PTPRH: variants seen among roughly 807,000 people sequenced by gnomAD.
PTPRH encodes the protein protein tyrosine phosphatase receptor type H.
A neutral mutation model predicts 130.2 loss-of-function variants in PTPRH; 113 were observed. The ratio of observed to expected loss-of-function variants is 0.87; its 90% CI spans 0.75 to 1.01. The LOEUF is 1.01. PTPRH is among the 50% of genes least tolerant of loss of function. The probability of loss-of-function intolerance (pLI) is 0.00; values close to 1 mark genes in which losing one functional copy is unlikely to be tolerated. For synonymous variants in PTPRH, 556 were observed against 577.9 expected, an observed-to-expected ratio of 0.96 and a Z score of 0.54; for missense variants, 1,430 against 1,425.0, an observed-to-expected ratio of 1.00 and a Z score of -0.06.
chr19:55,207,299 T>C, intron 1 of PTPRH, 100 bp from the exon 2 acceptor site: 1 of 1,326,770 alleles, frequency 7.5e-7, no homozygotes, highest in South Asian at 1.3e-5. Context: ...GCCCCATGAG[T>C]CACCCTTGCA....
chr19:55,188,509 T>C (rs2086433809), intron 12 of PTPRH, among the ~76,000 whole-genome samples: 3 of 151,938 alleles, frequency 2.0e-5, no homozygotes, highest in Non-Finnish European at 4.4e-5. Context: ...CGAGACTCCG[T>C]CTCAAAAAAT....
rs778713022 is a variant in PTPRH, at chr19:55,181,759, C to A, written c.3343G>T (p.Val1115Phe). Residue 1115 changes from valine to phenylalanine, a missense_variant, in exon 20 of 20, where the codon GTC (valine) becomes TTC (phenylalanine). Physicochemically the swap from Val to Phe is conservative, Grantham distance 50. Coordinates refer to ENST00000376350, the MANE Select transcript of PTPRH (RefSeq NM_002842.5). ...CGACCCAGCCCCCTCGTCACTTAGA[C>A]CTCCAACTTGTGGGCCTGGATGGCG... ...VAAIQAHKLEV is the reference protein window; with the variant it reads ...VAAIQAHKLEF 6.2e-7 allele frequency: 1 copy of A among 1,614,136 alleles called. No homozygotes were observed. Among genetic ancestry groups the A allele is most frequent in the Admixed American group, 1.7e-5 (1 of 60,006 alleles).
rs914476037 is a variant in PTPRH at position 55,198,558 on chromosome 19, A to C, written c.1690+85T>G. ...CTGGAGAGGCCCATGGGTACTCTTC[A>C]TCTCCCAAGGAGCTCCCAAAGTCCT... On this transcript the variant is annotated intron_variant, in intron 8 of 19. Transcript: ENST00000376350. 3.5e-5 allele frequency: 49 copies of C among 1,399,438 alleles called. No individual in the cohort carries two copies. The South Asian group carries it at 7.5e-4, about 22-fold the overall frequency. 86.7% of individuals were successfully genotyped at this position (1,399,438 alleles called of 1,614,324 possible).
In PTPRH at chr19:55,207,061, C is replaced by A. The variant is rs1216077331; in HGVS notation, c.85+105G>T. ...GTCCAGAAACAACGGCGCTCATAAA[C>A]CCCTACCATGGACCACTGGACCCCA... On this transcript the variant is annotated intron_variant, in intron 2 of 19. Transcript: ENST00000376350. 11 of 1,572,446 alleles carry A rather than the reference C, an allele frequency of 7.0e-6. No individual in the cohort carries two copies. In the East Asian group the frequency reaches 1.6e-4, roughly 23 times the overall value.
At position 55,197,174 on chromosome 19, in the gene PTPRH, C is replaced by T. The variant is rs553012745; in HGVS notation, c.1933G>A (p.Val645Met). 2.9e-5 allele frequency: 47 copies of T among 1,614,250 alleles called. No individual in the cohort carries two copies. In the Middle Eastern group the frequency reaches 6.6e-4, roughly 23 times the overall value. ...GCTACGTCATTCCTCTCTGCCCACA[C>T]GGTGAAATTGTACAACGTCCCGGGT... ...LEPGTLYNFT[V>M]WAERNDVASS... is the part of the protein sequence containing the mutation. Residue 645 changes from valine (V) to methionine (M), a missense_variant, in exon 9 of 20, where the codon GTG (valine) becomes ATG (methionine). Coordinates refer to ENST00000376350, the MANE Select transcript of PTPRH (RefSeq NM_002842.5).
At chr19:55,204,116 C>G in intron 4 of PTPRH, 68 bp from the exon 5 acceptor site, 2 of 1,474,270 alleles carry the variant, frequency 1.4e-6, no homozygotes, top group Non-Finnish European at 1.8e-6. Flanking sequence ...AGCCAGTGAG[C>G]TTTTTGTTTG....
intron 10 of PTPRH, among the ~76,000 whole-genome samples, chr19:55,192,634 C>T (rs796502249): frequency 4.6e-5 from 7 of 151,028 alleles, no homozygotes; most frequent in African/African-American, 1.7e-4. Flanking sequence ...TCACTGCAAC[C>T]TCTGCCTCCC....
chr19:55,196,934 G>T, intron 9 of PTPRH, 146 bp from the exon 10 acceptor site: 3 of 1,238,978 alleles, frequency 2.4e-6, no homozygotes, highest in Non-Finnish European at 3.3e-6. Flanking sequence ...TGTCCTCCCC[G>T]AATGGACACA....
rs1393475924 is a variant in PTPRH, at chr19:55,196,554, G to C, written c.2225C>G (p.Ser742Cys). Reference sequence around the variant, plus strand: ...CTCGGTGTGGCAGACCACAGAGTGAGACACGACCTTCATTCCGTCCCAGAT... The same window carrying C: ...CTCGGTGTGGCAGACCACAGAGTGACACACGACCTTCATTCCGTCCCAGAT... ...TTIWDGMKVV[S>C]HSVVCHTESA... Residue 742 changes from serine to cysteine, a missense_variant, in exon 10 of 20, where the codon TCT becomes TGT. Physicochemically the swap from Ser to Cys is moderately radical, Grantham distance 112. Transcript: ENST00000376350. The C allele has an allele frequency of 6.2e-7, 1 of 1,613,006 alleles. No homozygotes were observed. Among genetic ancestry groups the C allele is most frequent in the Non-Finnish European group, 8.5e-7 (1 of 1,179,884 alleles).
At chr19:55,197,470 C>T (rs2086724572) in intron 8 of PTPRH, 54 bp from the exon 9 acceptor site, 1 of 1,513,448 alleles carries the variant, frequency 6.6e-7, no homozygotes, top group Non-Finnish European at 9.0e-7. Flanking sequence ...CCTCCTACCC[C>T]AGCCTGTCTG....
chr19:55,197,400 T>A lies in PTPRH; in HGVS notation c.1707A>T (p.Thr569=). 6.2e-7 allele frequency: 1 copy of A among 1,612,566 alleles called. No homozygotes were observed. Among genetic ancestry groups the A allele is most frequent in the South Asian group, 1.1e-5 (1 of 91,066 alleles). ...LTAATAPNEV[T]DLQNETQTKN... is the part of the protein sequence containing the mutation. ...TAGTCTGAGTTTCATTCTGGAGATCTGTGACCTCATTGGGAGCTGAGAAGT... is the reference window on the plus strand; with the variant it reads ...TAGTCTGAGTTTCATTCTGGAGATCAGTGACCTCATTGGGAGCTGAGAAGT... The change falls in exon 9 of 20, where the codon ACA becomes ACT. Residue 569 remains threonine, a synonymous_variant. Coordinates refer to ENST00000376350, the MANE Select transcript of PTPRH (RefSeq NM_002842.5).
At chr19:55,201,009 T>C (rs892135338) in intron 6 of PTPRH, among the ~76,000 whole-genome samples, 1 of 150,908 alleles carries the variant, frequency 6.6e-6, no homozygotes. Context: ...CATTAAGAGG[T>C]AGGGCCCTTG....
At chr19:55,190,161 G>T (rs979788605) in intron 12 of PTPRH, among the ~76,000 whole-genome samples, 1 of 151,112 alleles carries the variant, frequency 6.6e-6, no homozygotes, top group African/African-American at 2.4e-5. Context: ...ACAAGGTCAG[G>T]AGTTCAAGAC....
Position 55,203,774 on chromosome 19 carries a change from C to T in PTPRH, c.886+8G>A, listed in dbSNP as rs2086949474. The stretch of plus-strand genomic sequence containing the variant: ...AGAAATAAAAATAAAACAGCGGCTG[C>T]CTCTTACCTGTGGCACTAGTGACAA... On this transcript the variant is annotated splice_region_variant and intron_variant, in intron 5 of 19. Transcript: ENST00000376350. 1.3e-6 allele frequency: 2 copies of T among 1,598,528 alleles called. No homozygotes were observed. Among genetic ancestry groups the T allele is most frequent in the Non-Finnish European group, 1.7e-6 (2 of 1,167,562 alleles).
chr19:55,195,669 G>A (rs1050999227), intron 10 of PTPRH, among the ~76,000 whole-genome samples: 1 of 152,158 alleles, frequency 6.6e-6, no homozygotes, highest in Non-Finnish European at 1.5e-5. Context: ...AACCTCCTGG[G>A]CTCAAGTGAT....
In PTPRH at chr19:55,181,670, C is replaced by T; in HGVS notation, c.*84G>A. 6.4e-7 allele frequency: 1 copy of T among 1,560,136 alleles called. No homozygotes were observed. Among genetic ancestry groups the T allele is most frequent in the Non-Finnish European group, 8.8e-7 (1 of 1,142,590 alleles). The stretch of plus-strand genomic sequence containing the variant: ...AGCACCCAGGAGTCTGGGAGCCCAG[C>T]CCTCTGCTCTTCCAGGAATCTGGGC... On this transcript the variant is annotated 3_prime_UTR_variant, in exon 20 of 20. Coordinates refer to ENST00000376350, the MANE Select transcript of PTPRH (RefSeq NM_002842.5).
At chr19:55,199,765 GAA>G (rs2086798727) in intron 7 of PTPRH, among the ~76,000 whole-genome samples, 1 of 140,828 alleles carries the variant, frequency 7.1e-6, no homozygotes, top group African/African-American at 2.7e-5. Context: ...AAGAGAAAGA[GAA>G]AGAAAGAAAG....
rs571550191 is a variant in PTPRH, at chr19:55,186,883, A to T, written c.2567-343T>A. ...AACATGGTGAAACCCGGTCGCCATT[A>T]AAAATACAAAAATTAGCCAGGCATG... On this transcript the variant is annotated intron_variant, in intron 14 of 19. Transcript: ENST00000376350. Among the ~76,000 whole-genome samples, 4 of 152,126 alleles carry T rather than the reference A, an allele frequency of 2.6e-5. No homozygotes were observed. The South Asian group carries it at 8.3e-4, about 32-fold the overall frequency.
At chr19:55,194,031 G>A (rs2086617207) in intron 10 of PTPRH, 2 of 556,214 alleles carry the variant, frequency 3.6e-6, no homozygotes, top group African/African-American at 4.0e-5. Flanking sequence ...TGTATTTTTA[G>A]TAGAGACAGG....
Sources: allele counts gnomAD v4.1 joint callset (sites outside exome capture counted in the v4.1 genomes callset), GRCh38; gene constraint gnomAD v4.1.1; transcripts MANE v1.5; gene names NCBI Gene and HGNC (gene_info 2026-07-23, HGNC 2026-07-21).